SYNDIG1L: variants seen among roughly 807,000 people sequenced by gnomAD.
SYNDIG1L encodes the protein synapse differentiation inducing 1 like.
In SYNDIG1L, 13 loss-of-function variants were observed where a neutral mutation model predicts 20.1. That is an observed-to-expected ratio of 0.65 (90% CI 0.42 to 1.03). The LOEUF is 1.03. Among genes scored for constraint, SYNDIG1L ranks in the 50% least tolerant of loss-of-function variants. The pLI is 0.00. For synonymous variants in SYNDIG1L, 128 were observed against 129.3 expected, an observed-to-expected ratio of 0.99 and a Z score of 0.07; for missense variants, 294 against 305.1, an observed-to-expected ratio of 0.96 and a Z score of 0.27.
At chr14:74,467,875 G>A in the SYNDIG1L span, among the ~76,000 whole-genome samples, 4 of 152,110 alleles carry the variant, frequency 2.6e-5, no homozygotes, top group East Asian at 5.8e-4. Flanking sequence ...AAGTGGAGTC[G>A]GATCCATCCA....
At chr14:74,458,060 A>G in the SYNDIG1L span, among the ~76,000 whole-genome samples, 323 of 152,126 alleles carry the variant, frequency 2.1e-3, no homozygotes, top group Non-Finnish European at 3.4e-3. Flanking sequence ...TCGACCTCCC[A>G]AAGTGCTGGG....
upstream of SYNDIG1L, among the ~76,000 whole-genome samples, chr14:74,427,420 C>T (rs543497664): frequency 6.6e-6 from 1 of 152,208 alleles, no homozygotes; most frequent in East Asian, 1.9e-4. Context: ...GACTCCAGGA[C>T]TCCTTCACTC....
chr14:74,440,388 C>T, the SYNDIG1L span, among the ~76,000 whole-genome samples: 62 of 152,128 alleles, frequency 4.1e-4, no homozygotes, highest in Non-Finnish European at 5.9e-5. Context: ...GTTGCAGGGG[C>T]CTGTAGTCCC....
At chr14:74,463,062 G>A in the SYNDIG1L span, among the ~76,000 whole-genome samples, 13 of 152,246 alleles carry the variant, frequency 8.5e-5, no homozygotes, top group African/African-American at 3.1e-4. Flanking sequence ...CTTCACAGCC[G>A]GACTTCTTGA....
the SYNDIG1L span, among the ~76,000 whole-genome samples, chr14:74,444,345 C>G: frequency 1.3e-5 from 2 of 151,846 alleles, no homozygotes; most frequent in Non-Finnish European, 2.9e-5. Context: ...CAGGCGTGAG[C>G]CACTGTGTCC....
At chr14:74,421,164 A>G (rs2086218444) in intron 1 of SYNDIG1L, among the ~76,000 whole-genome samples, 1 of 152,230 alleles carries the variant, frequency 6.6e-6, no homozygotes. Flanking sequence ...CACTGCATCT[A>G]TGAAACAATA....
chr14:74,448,390 T>A, the SYNDIG1L span, among the ~76,000 whole-genome samples: 2 of 152,136 alleles, frequency 1.3e-5, no homozygotes, highest in Non-Finnish European at 2.9e-5. Flanking sequence ...CAAAGAATAT[T>A]ACCAGAGATA....
Position 74,409,715 on chromosome 14 carries a change from C to T in SYNDIG1L, c.30G>A (p.Pro10=), listed in dbSNP as rs747058906. 1.2e-5 allele frequency: 18 copies of T among 1,466,226 alleles called. No individual in the cohort carries two copies. The highest frequency in any genetic ancestry group is 7.6e-5 in the Admixed American group (3 of 39,294). 90.8% of individuals were successfully genotyped at this position (1,466,226 alleles called of 1,614,324 possible). A position where few individuals can be genotyped will look rare whatever the true frequency, so the allele number is the denominator to read the frequency against. Residue 10 remains proline (P), a synonymous_variant, in exon 2 of 4, where the codon CCG becomes CCA. Coordinates refer to ENST00000331628, the MANE Select transcript of SYNDIG1L (RefSeq NM_001105579.2). MESLSELQN[P]LLPRSPAHLH... is the part of the protein sequence containing the mutation. The stretch of plus-strand genomic sequence containing the variant: ...GATGGGCAGGGCTCCTGGGCAGCAG[C>T]GGGTTCTGTAGTTCACTCAGACTCT...
At chr14:74,455,760 C>T in the SYNDIG1L span, among the ~76,000 whole-genome samples, 1 of 152,140 alleles carries the variant, frequency 6.6e-6, no homozygotes. Flanking sequence ...CCTTCCTGCT[C>T]ACTCTTCAGC....
chr14:74,415,235 G>A (rs1167361448), intron 1 of SYNDIG1L, among the ~76,000 whole-genome samples: 1 of 152,184 alleles, frequency 6.6e-6, no homozygotes, highest in African/African-American at 2.4e-5. Flanking sequence ...CCCCTTGTCG[G>A]ATGAAGGCCA....
intron 1 of SYNDIG1L, among the ~76,000 whole-genome samples, chr14:74,419,811 T>C (rs1566584645): frequency 6.6e-6 from 1 of 152,070 alleles, no homozygotes; most frequent in Non-Finnish European, 1.5e-5. Context: ...ATCATCTAGG[T>C]GACCGAATGA....
Position 74,407,868 on chromosome 14 carries a change from G to A in SYNDIG1L, c.539C>T (p.Ala180Val). The A allele has an allele frequency of 3.1e-6, 5 of 1,613,520 alleles. No individual in the cohort carries two copies. Among genetic ancestry groups the A allele is most frequent in the Non-Finnish European group, 2.5e-6 (3 of 1,179,676 alleles). Residue 180 changes from alanine to valine, a missense_variant, in exon 3 of 4, where the codon GCC (alanine) becomes GTC (valine). Physicochemically the swap from Ala to Val is moderately conservative, Grantham distance 64. Transcript: ENST00000331628. ...LCCFWPLGIA[A>V]FYFSQGTSKA... ...TCTTACCCCCTGGGAGAAGTAGAAG[G>A]CAGCAATGCCCAGTGGCCAGAAGCA...
At chr14:74,445,719 T>C in the SYNDIG1L span, among the ~76,000 whole-genome samples, 1 of 152,190 alleles carries the variant, frequency 6.6e-6, no homozygotes, top group Non-Finnish European at 1.5e-5. Context: ...TCAACTGATC[T>C]GCCTGCCTTG....
At chr14:74,430,013 A>G (rs1436604837), upstream of SYNDIG1L, among the ~76,000 whole-genome samples, 1 of 152,120 alleles carries the variant, frequency 6.6e-6, no homozygotes, top group Non-Finnish European at 1.5e-5. Flanking sequence ...CTTTAGAAAC[A>G]CACTGATTCA....
chr14:74,474,777 T>G, the SYNDIG1L span: 1 of 152,276 alleles, frequency 6.6e-6, no homozygotes, highest in Non-Finnish European at 1.5e-5. Context: ...CGTGCCCTTC[T>G]TCAGGAGAAT....
At chr14:74,424,142 T>C (rs2086246935) in intron 1 of SYNDIG1L, among the ~76,000 whole-genome samples, 1 of 152,178 alleles carries the variant, frequency 6.6e-6, no homozygotes, top group Admixed American at 6.5e-5. Context: ...CGGCATCCTG[T>C]ATTCAAGCAG....
intron 1 of SYNDIG1L, among the ~76,000 whole-genome samples, chr14:74,418,049 T>C (rs865834670): frequency 2.2e-4 from 33 of 152,238 alleles, no homozygotes; most frequent in African/African-American, 7.7e-4. Flanking sequence ...AGATTAAATG[T>C]AAATTATTAA....
chr14:74,445,098 C>T, the SYNDIG1L span, among the ~76,000 whole-genome samples: 4 of 152,084 alleles, frequency 2.6e-5, no homozygotes, highest in East Asian at 5.8e-4. Context: ...GTGGTAACTC[C>T]GTTCTCACTC....
chr14:74,407,850 C>T lies in SYNDIG1L; in HGVS notation c.557G>A (p.Gly186Glu). 10 of 1,611,874 alleles carry T rather than the reference C, an allele frequency of 6.2e-6. No individual in the cohort carries two copies. The highest frequency in any genetic ancestry group is 8.5e-6 in the Non-Finnish European group (10 of 1,178,904). The change falls in exon 3 of 4, where the codon GGG becomes GAG. Residue 186 changes from glycine (G) to glutamate (E), a missense_variant and splice_region_variant. Transcript: ENST00000331628. ...LGIAAFYFSQGTSKAISKGDF... is the reference protein window; with the variant it reads ...LGIAAFYFSQETSKAISKGDF... ...GACCTGGGCCCCAGGTGCTCTTACC[C>T]CCTGGGAGAAGTAGAAGGCAGCAAT... is the stretch of plus-strand genomic sequence containing the variant.
Sources: gnomAD v4.1 joint callset for allele counts (sites outside exome capture counted in the v4.1 genomes callset) on GRCh38, gnomAD v4.1.1 for gene constraint, MANE v1.5 for transcripts, NCBI Gene and HGNC (gene_info 2026-07-23, HGNC 2026-07-21) for gene names.